Variants in AKAIN1 observed in about 807,000 individuals in gnomAD.
AKAIN1 encodes the protein A-kinase anchor inhibitor 1, also known as A-kinase anchor protein inhibitor 1.
Under a neutral mutation model 3.7 loss-of-function variants are expected in AKAIN1, and 3 were observed. The observed-to-expected ratio is 0.82, with a 90% confidence interval of 0.37 to 2.12. The LOEUF (loss-of-function observed/expected upper bound fraction) is 2.12, where lower values mean the gene tolerates loss of function less well. Ranked by LOEUF, AKAIN1 falls within the 30% of genes most tolerant of loss-of-function variation. AKAIN1 has a pLI of 0.06. For synonymous variants in AKAIN1, 31 were observed against 30.8 expected (o/e 1.01, Z -0.02); for missense variants, 82 against 82.7 (o/e 0.99, Z 0.03).
At chr18:5,182,231 TG>T (rs2071262333) in intron 1 of AKAIN1, among the ~76,000 whole-genome samples, 1 of 152,112 alleles carries the variant, frequency 6.6e-6, no homozygotes, top group Admixed American at 6.6e-5. Context: ...TCCAGTAAGT[TG>T]GGTCTTTTTC....
At chr18:5,182,898 A>G (rs76072159) in intron 1 of AKAIN1, among the ~76,000 whole-genome samples, 6,140 of 152,148 alleles carry the variant, frequency 0.04, 420 homozygotes, top group East Asian at 0.3. Context: ...AGAGAAGAGC[A>G]TCTTATATCC....
Position 5,142,978 on chromosome 18 carries a change from C to T in AKAIN1, c.*2584G>A, listed in dbSNP as rs2071029448. On this transcript the variant is annotated 3_prime_UTR_variant, in exon 2 of 2. Coordinates refer to ENST00000434239, the MANE Select transcript of AKAIN1 (RefSeq NM_001145194.2). ...AGAGAAAAGTAACATGAAAGGATTT[C>T]TTTCTTTAGATCCACCCTAGGGGCA... 6.6e-6 allele frequency among the ~76,000 whole-genome samples: 1 copy of T among 152,148 alleles called. No individual in the cohort carries two copies. The highest frequency in any genetic ancestry group is 2.4e-5 in the African/African-American group (1 of 41,450).
intron 1 of AKAIN1, among the ~76,000 whole-genome samples, chr18:5,158,399 C>T (rs529775932): frequency 1.3e-5 from 2 of 152,308 alleles, no homozygotes; most frequent in South Asian, 4.1e-4. Flanking sequence ...CACACTAGAA[C>T]GTGAATATTA....
chr18:5,193,314 A>G lies in AKAIN1; in HGVS notation c.16+3724T>C, dbSNP rs139933533. Among the ~76,000 whole-genome samples, 494 of 152,272 alleles carry G rather than the reference A, an allele frequency of 3.2e-3. 3 individuals are homozygous for G. The highest frequency in any genetic ancestry group is 0.011 in the African/African-American group (473 of 41,566). On this transcript the variant is annotated intron_variant, in intron 1 of 1. Transcript: ENST00000434239. Reference sequence around the variant, plus strand: ...TTTATGCAAGAAAAGAAATATTTTTATGTTGGCAATTCACCTGACTTGAAG... The same window carrying G: ...TTTATGCAAGAAAAGAAATATTTTTGTGTTGGCAATTCACCTGACTTGAAG...
At chr18:5,176,671 C>A (rs1876589778) in intron 1 of AKAIN1, among the ~76,000 whole-genome samples, 1 of 152,080 alleles carries the variant, frequency 6.6e-6, no homozygotes, top group Non-Finnish European at 1.5e-5. Context: ...AGACACATCT[C>A]TTTCTTTCAT....
At chr18:5,181,137 T>C (rs1199365962) in intron 1 of AKAIN1, among the ~76,000 whole-genome samples, 1 of 147,996 alleles carries the variant, frequency 6.8e-6, no homozygotes, top group Non-Finnish European at 1.5e-5. Flanking sequence ...AAAAAAAAAG[T>C]AAAATTTAGC....
chr18:5,197,516 A>AAAAAAAAAAC (rs58012253), upstream of AKAIN1: 28 of 1,211,844 alleles, frequency 2.3e-5, 2 homozygotes, highest in Admixed American at 1.7e-4. The surrounding 1 kb of genome is among the most constrained non-coding windows in gnomAD (Gnocchi z 6.9). Flanking sequence ...AAAAAAAAAA[A>AAAAAAAAAAC]CTCTAAGAGC....
At position 5,197,113 on chromosome 18, in the gene AKAIN1, G is replaced by A. The variant is rs1447118995; in HGVS notation, c.-60C>T. 6.5e-6 allele frequency: 10 copies of A among 1,549,448 alleles called. No individual in the cohort carries two copies. Among genetic ancestry groups the A allele is most frequent in the Non-Finnish European group, 7.8e-6 (9 of 1,146,774 alleles). On this transcript the variant is annotated 5_prime_UTR_variant, in exon 1 of 2. Transcript: ENST00000434239. The surrounding 1 kb of genome is among the most constrained non-coding windows in gnomAD (Gnocchi z 6.9). ...GAGAAAGACAGGCAGACGGAGGATG[G>A]GAAGAAGGCCGGACTTGGCGGGGTC...
At chr18:5,147,450 TA>T (rs2071055636) in intron 1 of AKAIN1, among the ~76,000 whole-genome samples, 1 of 152,192 alleles carries the variant, frequency 6.6e-6, no homozygotes, top group African/African-American at 2.4e-5. Context: ...TTTATATTTA[TA>T]GTGGTAAACA....
intron 1 of AKAIN1, among the ~76,000 whole-genome samples, chr18:5,182,058 C>G (rs1001441766): frequency 1.3e-5 from 2 of 152,190 alleles, no homozygotes; most frequent in Non-Finnish European, 2.9e-5. Context: ...AGCAAGATGG[C>G]CATCTGCTTT....
intron 1 of AKAIN1, among the ~76,000 whole-genome samples, chr18:5,150,739 C>A (rs1043436540): frequency 3.3e-5 from 5 of 152,132 alleles, no homozygotes; most frequent in African/African-American, 1.2e-4. Context: ...CCCATTCATG[C>A]CTCTCCAGTG....
chr18:5,183,231 T>C (rs1002062693), intron 1 of AKAIN1, among the ~76,000 whole-genome samples: 3 of 152,000 alleles, frequency 2.0e-5, no homozygotes, highest in African/African-American at 7.2e-5. Context: ...TAAGAGTACA[T>C]TGAGTAAACA....
chr18:5,174,098 T>A (rs1486514099), intron 1 of AKAIN1, among the ~76,000 whole-genome samples: 2 of 152,086 alleles, frequency 1.3e-5, no homozygotes, highest in Non-Finnish European at 2.9e-5. Flanking sequence ...CCCATGAACA[T>A]CCTTTTTTAA....
At position 5,178,192 on chromosome 18, in the gene AKAIN1, C is replaced by T. The variant is rs530164399; in HGVS notation, c.16+18846G>A. On this transcript the variant is annotated intron_variant, in intron 1 of 1. Transcript: ENST00000434239. ...TCTGCCTAAGGACAGACAGACCCTC[C>T]TGCTTATTGATATGCATGGTTTTGT... Among the ~76,000 whole-genome samples, 9 of 152,234 alleles carry T rather than the reference C, an allele frequency of 5.9e-5. No homozygotes were observed. The South Asian group carries it at 1.9e-3, about 32-fold the overall frequency.
intron 1 of AKAIN1, among the ~76,000 whole-genome samples, chr18:5,176,177 G>T (rs1481385244): frequency 1.3e-5 from 2 of 152,076 alleles, no homozygotes; most frequent in Admixed American, 1.3e-4. Flanking sequence ...GGTGGCTCAC[G>T]CATGTAATCC....
At chr18:5,148,590 T>G (rs914046428) in intron 1 of AKAIN1, among the ~76,000 whole-genome samples, 3 of 152,188 alleles carry the variant, frequency 2.0e-5, no homozygotes, top group Non-Finnish European at 4.4e-5. Context: ...GTGCAGTGAC[T>G]CACAGCTGTA....
chr18:5,152,884 C>G (rs1459965318), intron 1 of AKAIN1, among the ~76,000 whole-genome samples: 1 of 152,174 alleles, frequency 6.6e-6, no homozygotes, highest in African/African-American at 2.4e-5. Context: ...CAGCCTGGGC[C>G]TGGGGTCCTG....
At chr18:5,181,006 A>G (rs891603306) in intron 1 of AKAIN1, among the ~76,000 whole-genome samples, 2 of 152,064 alleles carry the variant, frequency 1.3e-5, no homozygotes, top group Non-Finnish European at 2.9e-5. Flanking sequence ...AAGAAAATAC[A>G]GCCAGGTGTG....
At position 5,143,952 on chromosome 18, in the gene AKAIN1, C is replaced by T. The variant is rs1329544943; in HGVS notation, c.*1610G>A. On this transcript the variant is annotated 3_prime_UTR_variant, in exon 2 of 2. Transcript: ENST00000434239. ...CCTGAATAATTTCCCTGAATACCTT[C>T]ATTCTCACTATGTATGCTATGCAAT... Among the ~76,000 whole-genome samples, 1 of 152,200 alleles carries T rather than the reference C, an allele frequency of 6.6e-6. No homozygotes were observed. The highest frequency in any genetic ancestry group is 1.5e-5 in the Non-Finnish European group (1 of 68,030).
Sources: gnomAD v4.1 joint callset for allele counts (sites outside exome capture counted in the v4.1 genomes callset) on GRCh38, gnomAD v4.1.1 for gene constraint, Gnocchi (gnomAD v3.1) non-coding constraint, MANE v1.5 for transcripts, NCBI Gene and HGNC (gene_info 2026-07-23, HGNC 2026-07-21) for gene names.